PIWIL2: variants seen among roughly 807,000 people sequenced by gnomAD.
PIWIL2 encodes piwi like RNA-mediated gene silencing 2.
A neutral mutation model predicts 116.5 loss-of-function variants in PIWIL2; 81 were observed. The ratio of observed to expected loss-of-function variants is 0.70; its 90% CI spans 0.58 to 0.84. The LOEUF (loss-of-function observed/expected upper bound fraction) is 0.84. Ranked by LOEUF, PIWIL2 falls within the 40% of genes least tolerant of loss-of-function variation. The pLI is 0.00. For missense variants in PIWIL2, 1,272 were observed against 1,212.3 expected, an observed-to-expected ratio of 1.05 and a Z score of -0.73; for synonymous variants, 489 against 429.5, an observed-to-expected ratio of 1.14 and a Z score of -1.71.
At chr8:22,296,866 C>A (rs1200571072) in intron 10 of PIWIL2, among the ~76,000 whole-genome samples, 1 of 152,172 alleles carries the variant, frequency 6.6e-6, no homozygotes, top group African/African-American at 2.4e-5. Context: ...CTGCTGGTGA[C>A]AAATTCTTTT....
At position 22,315,129 on chromosome 8, in the gene PIWIL2, G is replaced by T. The variant is rs764064756; in HGVS notation, c.2192G>T (p.Gly731Val). Reference protein sequence around the residue: ...INCKLGGELWGVDIPLKQLMV... With the variant: ...INCKLGGELWVVDIPLKQLMV... ...TGTAAATTGGGTGGTGAGCTCTGGG[G>T]AGTGGATATTCCTCTGGTGAGTGAT... is the stretch of plus-strand genomic sequence containing the variant. The change falls in exon 18 of 23, where the codon GGA becomes GTA. Residue 731 changes from glycine (G) to valine (V), a missense_variant. By Grantham distance (109) the Gly-to-Val change is moderately radical (BLOSUM62 -3). Coordinates refer to ENST00000356766, the MANE Select transcript of PIWIL2 (RefSeq NM_018068.5). 1.8e-5 allele frequency: 28 copies of T among 1,583,244 alleles called. No individual in the cohort carries two copies. The Admixed American group carries it at 2.3e-4, about 13-fold the overall frequency.
intron 20 of PIWIL2, among the ~76,000 whole-genome samples, chr8:22,331,648 T>G (rs1831864364): frequency 6.6e-6 from 1 of 152,106 alleles, no homozygotes; most frequent in South Asian, 2.1e-4. Context: ...TTGCTACAAA[T>G]GACATAACAA....
At chr8:22,315,928 T>C (rs1456662140) in intron 18 of PIWIL2, among the ~76,000 whole-genome samples, 2 of 152,188 alleles carry the variant, frequency 1.3e-5, no homozygotes, top group African/African-American at 4.8e-5. Flanking sequence ...TCTGAAACTC[T>C]TTGAGTGTCA....
intron 1 of PIWIL2, among the ~76,000 whole-genome samples, chr8:22,278,048 A>C (rs1049230072): frequency 2.6e-5 from 4 of 151,972 alleles, no homozygotes; most frequent in African/African-American, 9.7e-5. Context: ...CATGCCTGTA[A>C]TCCCAGCTAC....
rs1313888062 is a variant in PIWIL2, at chr8:22,334,232, C to T, written c.2403+15957C>T. ...TTAGGTGATCCACCTTCCTTGGCCTCCCAAAGTGCTGGAATTACAGGCGTG... is the reference window on the plus strand; with the variant it reads ...TTAGGTGATCCACCTTCCTTGGCCTTCCAAAGTGCTGGAATTACAGGCGTG... On this transcript the variant is annotated intron_variant, in intron 20 of 22. Coordinates refer to ENST00000356766, the MANE Select transcript of PIWIL2 (RefSeq NM_018068.5). Among the ~76,000 whole-genome samples, 10 of 151,974 alleles carry T rather than the reference C, an allele frequency of 6.6e-5. No homozygotes were observed. In the South Asian group the frequency reaches 2.1e-3, roughly 32 times the overall value.
At chr8:22,297,123 G>A (rs1040946312) in intron 10 of PIWIL2, among the ~76,000 whole-genome samples, 1 of 151,888 alleles carries the variant, frequency 6.6e-6, no homozygotes, top group Admixed American at 6.6e-5. Context: ...CAAGTAGCTG[G>A]GACTACAGGG....
At position 22,320,376 on chromosome 8, in the gene PIWIL2, A is replaced by G. The variant is rs1325795572; in HGVS notation, c.2403+2101A>G. Among the ~76,000 whole-genome samples the G allele has an allele frequency of 4.1e-5, 6 of 145,740 alleles. 1 individual carries two copies. In the South Asian group the frequency reaches 1.3e-3, roughly 32 times the overall value. On this transcript the variant is annotated intron_variant, in intron 20 of 22. Coordinates refer to ENST00000356766, the MANE Select transcript of PIWIL2 (RefSeq NM_018068.5). ...TCTGCTTCCCGGATTCAAGCAATTC[A>G]ACTGCCTCAGCCTCCCGAGTAGCTG...
Position 22,304,211 on chromosome 8 carries a change from TA to T in PIWIL2, c.1370+3del. 6.2e-7 allele frequency: 1 copy of T among 1,608,622 alleles called. No homozygotes were observed. The highest frequency in any genetic ancestry group is 1.3e-5 in the African/African-American group (1 of 74,948). ...GATCACATTCTTGGAATACTACAGG[TA>T]GCAAGAAGAGACTGGGTTTGGGCCT... On this transcript the variant is annotated splice_donor_region_variant and intron_variant, in intron 11 of 22. Coordinates refer to ENST00000356766, the MANE Select transcript of PIWIL2 (RefSeq NM_018068.5).
Position 22,354,197 on chromosome 8 carries a change from C to A in PIWIL2, c.2658-74C>A, listed in dbSNP as rs118126956. ...TGAGCTTTAGTTGAAGGAGCTAGAACGATCTCCAGGATCTTTGCCAGCTCT... is the reference window on the plus strand; with the variant it reads ...TGAGCTTTAGTTGAAGGAGCTAGAAAGATCTCCAGGATCTTTGCCAGCTCT... On this transcript the variant is annotated intron_variant, in intron 21 of 22. Transcript: ENST00000356766. 9.4e-6 allele frequency: 9 copies of A among 961,636 alleles called. No individual in the cohort carries two copies. The African/African-American group carries it at 1.4e-4, about 15-fold the overall frequency. The allele number at this position is 961,636 out of a possible 1,614,324, so 59.6% of individuals were successfully genotyped here. A position where few individuals can be genotyped will look rare whatever the true frequency, so the allele number is the denominator to read the frequency against.
intron 19 of PIWIL2, among the ~76,000 whole-genome samples, chr8:22,317,072 C>T (rs1324585267): frequency 6.6e-6 from 1 of 152,186 alleles, no homozygotes; most frequent in African/African-American, 2.4e-5. Context: ...GAGCACTGCA[C>T]CTGGCTTTGC....
chr8:22,356,071 C>CAAAAAAAAAA lies in PIWIL2; in HGVS notation c.*574_*583dup, dbSNP rs10710520. On this transcript the variant is annotated 3_prime_UTR_variant, in exon 23 of 23. Transcript: ENST00000356766. The stretch of plus-strand genomic sequence containing the variant: ...CTGTTGACAAAGCAAGACTCTGTCT[C>CAAAAAAAAAA]AAAAAAAAAAAAAAAAAGCCAACAT... 1 of 84,398 alleles carries CAAAAAAAAAA rather than the reference C, an allele frequency of 1.2e-5. No homozygotes were observed. 5.2% of individuals were successfully genotyped at this position (84,398 alleles called of 1,614,324 possible).
chr8:22,350,447 T>C (rs761790932), intron 20 of PIWIL2, among the ~76,000 whole-genome samples: 2 of 151,754 alleles, frequency 1.3e-5, no homozygotes, highest in Non-Finnish European at 2.9e-5. Flanking sequence ...AATACAAAAG[T>C]TAGCTAGGCA....
chr8:22,331,895 C>G (rs1831870793), intron 20 of PIWIL2, among the ~76,000 whole-genome samples: 2 of 152,054 alleles, frequency 1.3e-5, no homozygotes, highest in Non-Finnish European at 1.5e-5. Flanking sequence ...AAAAAACAGT[C>G]ACATTCTGAG....
chr8:22,302,652 T>C (rs546884566), intron 10 of PIWIL2, among the ~76,000 whole-genome samples: 42 of 152,184 alleles, frequency 2.8e-4, no homozygotes, highest in Non-Finnish European at 6.2e-4. Flanking sequence ...ATTCGGATAA[T>C]GATTTGGAGA....
chr8:22,296,487 C>T (rs372077288), intron 10 of PIWIL2, among the ~76,000 whole-genome samples: 1 of 152,270 alleles, frequency 6.6e-6, no homozygotes, highest in African/African-American at 2.4e-5. Context: ...TATTTTCAGA[C>T]CTTACATGTT....
rs1563379262 is a variant in PIWIL2 at position 22,307,473 on chromosome 8, A to AATTTTTTTTTTTTTTTTTTT, written c.1546-460_1546-459insATTTTTTTTTTTTTTTTTTT. Among the ~76,000 whole-genome samples, 2 of 111,258 alleles carry AATTTTTTTTTTTTTTTTTTT rather than the reference A, an allele frequency of 1.8e-5. 1 individual carries two copies. The allele number at this position is 111,258 out of a possible 152,430, so 73.0% of individuals were successfully genotyped here. On this transcript the variant is annotated intron_variant, in intron 13 of 22. Transcript: ENST00000356766. ...GACATTTGAAATTCTTTTATTATTC[A>AATTTTTTTTTTTTTTTTTTT]TTTTTTTTTTTTTTTTTTTTTTTTT...
Position 22,283,179 on chromosome 8 carries a change from C to T in PIWIL2, c.571C>T (p.Pro191Ser). The stretch of plus-strand genomic sequence containing the variant: ...GCAGCTGTCATCACCACCAGCTCTG[C>T]CCCAGTCTCCCCTGCACTCTCCAGA... ...PPQLSSPPAL[P>S]QSPLHSPDRP... The change falls in exon 5 of 23, where the codon CCC becomes TCC. Residue 191 changes from proline (P) to serine (S), a missense_variant. Pro to Ser is a moderately conservative substitution (Grantham distance 74). Transcript: ENST00000356766. 1 of 1,614,124 alleles carries T rather than the reference C, an allele frequency of 6.2e-7. No homozygotes were observed. The highest frequency in any genetic ancestry group is 1.1e-5 in the South Asian group (1 of 91,074).
chr8:22,304,478 G>A (rs1301676089), intron 11 of PIWIL2, among the ~76,000 whole-genome samples: 1 of 152,200 alleles, frequency 6.6e-6, no homozygotes, highest in East Asian at 1.9e-4. Flanking sequence ...AGTCTGGAGA[G>A]ATTAAATTCA....
At chr8:22,314,486 G>A in intron 17 of PIWIL2, 57 bp downstream of exon 17, 5 of 807,868 alleles carry the variant, frequency 6.2e-6, no homozygotes, top group Non-Finnish European at 9.8e-6. Context: ...CCCGAGGCTT[G>A]AGAAGAGGGA....
Sources: allele counts gnomAD v4.1 joint callset (sites outside exome capture counted in the v4.1 genomes callset), GRCh38; gene constraint gnomAD v4.1.1; transcripts MANE v1.5; gene names NCBI Gene and HGNC (gene_info 2026-07-23, HGNC 2026-07-21).